Variants in RALYL observed in about 807,000 individuals in gnomAD.
RALYL encodes RNA-binding Raly-like protein.
Under a neutral mutation model 35.1 loss-of-function variants are expected in RALYL, and 29 were observed. The ratio of observed to expected loss-of-function variants is 0.83; its 90% CI spans 0.61 to 1.13. The LOEUF (loss-of-function observed/expected upper bound fraction) is 1.13. RALYL is among the 50% of genes most tolerant of loss of function. The pLI is 0.00. For missense variants in RALYL, 359 were observed against 360.4 expected (o/e 1.00, Z 0.03); for synonymous variants, 120 against 127.6 (o/e 0.94, Z 0.40).
chr8:84,810,755 T>C (rs1384824470), intron 4 of RALYL, among the ~76,000 whole-genome samples: 1 of 152,224 alleles, frequency 6.6e-6, no homozygotes, highest in Non-Finnish European at 1.5e-5. Flanking sequence ...TCTTTGTCTC[T>C]TTTAACTGCT....
intron 3 of RALYL, among the ~76,000 whole-genome samples, chr8:84,775,935 C>T (rs1221582573): frequency 6.6e-6 from 1 of 152,094 alleles, no homozygotes; most frequent in Non-Finnish European, 1.5e-5. Context: ...TTAGATATAG[C>T]CAATTGTTCC....
intron 1 of RALYL, chr8:84,346,041 T>C: frequency 4.1e-6 from 4 of 970,890 alleles, no homozygotes; most frequent in Non-Finnish European, 2.4e-6. Flanking sequence ...TTATTCAAAA[T>C]TATCCTAATG....
At chr8:84,343,028 C>T (rs1849152551) in intron 1 of RALYL, among the ~76,000 whole-genome samples, 1 of 152,044 alleles carries the variant, frequency 6.6e-6, no homozygotes, top group Admixed American at 6.6e-5. Context: ...GTAAAGAAGT[C>T]ACTCTTCATT....
chr8:84,415,530 G>A (rs1403109072), intron 1 of RALYL, among the ~76,000 whole-genome samples: 9 of 124,816 alleles, frequency 7.2e-5, no homozygotes, highest in Non-Finnish European at 5.2e-5. Context: ...GAGCCACCGC[G>A]CCCGGCCGAC....
Position 84,462,232 on chromosome 8 carries a change from G to A in RALYL, c.-23-67067G>A, listed in dbSNP as rs560614590. ...TATGTTCATTGCTTATTTGTCATCTGTTTATCTTCTTTGATGAGATGTTCT... is the reference window on the plus strand; with the variant it reads ...TATGTTCATTGCTTATTTGTCATCTATTTATCTTCTTTGATGAGATGTTCT... On this transcript the variant is annotated intron_variant, in intron 1 of 8. Transcript: ENST00000521268. Among the ~76,000 whole-genome samples, 4 of 150,866 alleles carry A rather than the reference G, an allele frequency of 2.7e-5. No individual in the cohort carries two copies. In the East Asian group the frequency reaches 7.8e-4, roughly 29 times the overall value.
chr8:84,318,615 G>T (rs568271976), intron 1 of RALYL, among the ~76,000 whole-genome samples: 2 of 151,838 alleles, frequency 1.3e-5, no homozygotes, highest in South Asian at 4.2e-4. Context: ...CTTGTTATTG[G>T]CCATTTACTC....
chr8:84,909,989 C>T (rs1161025392), intron 8 of RALYL, among the ~76,000 whole-genome samples: 1 of 152,060 alleles, frequency 6.6e-6, no homozygotes, highest in African/African-American at 2.4e-5. Flanking sequence ...ATCAGACACT[C>T]ATACTTTGTT....
At chr8:84,649,506 C>G (rs1828235184) in intron 2 of RALYL, among the ~76,000 whole-genome samples, 1 of 151,926 alleles carries the variant, frequency 6.6e-6, no homozygotes, top group East Asian at 1.9e-4. Flanking sequence ...TATGGCTAGC[C>G]AGTTTTCCCA....
chr8:84,337,330 T>G (rs1227879662), intron 1 of RALYL, among the ~76,000 whole-genome samples: 3 of 127,668 alleles, frequency 2.3e-5, no homozygotes, highest in East Asian at 2.0e-4. Context: ...GAATGAATTG[T>G]TTTTTTTTTT....
intron 1 of RALYL, among the ~76,000 whole-genome samples, chr8:84,315,952 G>A (rs1365437908): frequency 1.3e-5 from 2 of 152,086 alleles, no homozygotes; most frequent in Non-Finnish European, 2.9e-5. Context: ...GGGGTAGGAT[G>A]AAGCTTTAAG....
intron 3 of RALYL, among the ~76,000 whole-genome samples, chr8:84,778,262 C>T (rs575119167): frequency 1.6e-3 from 244 of 152,318 alleles, no homozygotes; most frequent in Non-Finnish European, 2.4e-3. Flanking sequence ...TCCACTTTAT[C>T]TCCAATACCA....
intron 1 of RALYL, among the ~76,000 whole-genome samples, chr8:84,263,988 C>T (rs1832801151): frequency 6.6e-6 from 1 of 152,114 alleles, no homozygotes; most frequent in South Asian, 2.1e-4. Context: ...TATATATGTA[C>T]CACATTTTCT....
At chr8:84,620,019 C>A (rs955274392) in intron 2 of RALYL, among the ~76,000 whole-genome samples, 8 of 152,048 alleles carry the variant, frequency 5.3e-5, no homozygotes, top group African/African-American at 1.9e-4. Flanking sequence ...CTCTGGCTGC[C>A]CTTAACAATT....
chr8:84,276,265 T>C (rs1388413), intron 1 of RALYL, among the ~76,000 whole-genome samples: 99,450 of 151,938 alleles, frequency 0.65, 33,239 homozygotes, highest in African/African-American at 0.78. Context: ...TGTTTTTGAA[T>C]CCTAAATTAT....
At chr8:84,641,404 C>A (rs1282403844) in intron 2 of RALYL, among the ~76,000 whole-genome samples, 1 of 151,576 alleles carries the variant, frequency 6.6e-6, no homozygotes, top group East Asian at 1.9e-4. Flanking sequence ...ATAGATTAAG[C>A]CATTCCACTA....
chr8:84,601,778 A>G (rs1816024255), intron 2 of RALYL, among the ~76,000 whole-genome samples: 1 of 152,044 alleles, frequency 6.6e-6, no homozygotes, highest in South Asian at 2.1e-4. Flanking sequence ...ATTTTTTGTT[A>G]TTTGAAGCTT....
At chr8:84,607,365 T>A (rs926564580) in intron 2 of RALYL, among the ~76,000 whole-genome samples, 1 of 152,146 alleles carries the variant, frequency 6.6e-6, no homozygotes, top group Non-Finnish European at 1.5e-5. Flanking sequence ...TTAGAGTAAT[T>A]AAATATGAAC....
chr8:84,903,086 C>T (rs1845949813), intron 8 of RALYL, among the ~76,000 whole-genome samples: 2 of 151,884 alleles, frequency 1.3e-5, no homozygotes, highest in African/African-American at 4.8e-5. Flanking sequence ...TTTATGCATA[C>T]CCCTTGTAAC....
chr8:84,553,721 AG>A (rs2060907399), intron 2 of RALYL, among the ~76,000 whole-genome samples: 1 of 152,152 alleles, frequency 6.6e-6, no homozygotes, highest in South Asian at 2.1e-4. Context: ...GAAAAAAAAA[AG>A]GAGTGAAAAT....
Sources: gnomAD v4.1 joint callset for allele counts (sites outside exome capture counted in the v4.1 genomes callset) on GRCh38, gnomAD v4.1.1 for gene constraint, MANE v1.5 for transcripts, NCBI Gene and HGNC (gene_info 2026-07-23, HGNC 2026-07-21) for gene names.